The following BIN3 variants were observed in gnomAD, a reference collection of about 807,000 sequenced individuals.
BIN3 encodes bridging integrator 3.
A neutral mutation model predicts 38.2 loss-of-function variants in BIN3; 41 were observed. The observed-to-expected ratio is 1.07, with a 90% CI of 0.84 to 1.39. The LOEUF (loss-of-function observed/expected upper bound fraction) is 1.39. Ranked by LOEUF, BIN3 falls within the 40% of genes most tolerant of loss-of-function variation. BIN3 has a pLI of 0.00. For synonymous variants in BIN3, 145 were observed against 122.6 expected (o/e 1.18, Z -1.21); for missense variants, 361 against 324.3 (o/e 1.11, Z -0.87).
Position 22,621,253 on chromosome 8 carries a change from C to G in BIN3, c.*169G>C. 1.1e-6 allele frequency: 1 copy of G among 903,894 alleles called. No individual in the cohort carries two copies. Among genetic ancestry groups the G allele is most frequent in the East Asian group, 2.7e-5 (1 of 37,426 alleles). The allele number at this position is 903,894 out of a possible 1,614,324, so 56.0% of individuals were successfully genotyped here. On this transcript the variant is annotated 3_prime_UTR_variant, in exon 9 of 9. Transcript: ENST00000276416. The stretch of plus-strand genomic sequence containing the variant: ...CTGTGAGTGGGGAGACGGCGGCCTG[C>G]CTAGGGCTCCTGGTGCCAGGCTCAG...
Position 22,661,352 on chromosome 8 carries a change from CTTTTT to C in BIN3, c.8+7687_8+7691del, listed in dbSNP as rs751194383. Among the ~76,000 whole-genome samples the C allele has an allele frequency of 4.0e-3, 334 of 84,462 alleles. 2 individuals carry two copies. The highest frequency in any genetic ancestry group is 0.012 in the African/African-American group (235 of 20,084). The allele number at this position is 84,462 out of a possible 152,430, so 55.4% of individuals were successfully genotyped here. ...ATAGTACAATGTTGAATGTATCATT[CTTTTT>C]TTTTTTTTTTTTTTTTTTGAGATGG... On this transcript the variant is annotated intron_variant, in intron 1 of 8. Transcript: ENST00000276416.
At chr8:22,647,520 C>T (rs1026381495) in intron 1 of BIN3, among the ~76,000 whole-genome samples, 4 of 152,194 alleles carry the variant, frequency 2.6e-5, no homozygotes, top group Non-Finnish European at 5.9e-5. Flanking sequence ...CAGTTCAATA[C>T]TCTTTTCACA....
Position 22,644,743 on chromosome 8 carries a change from C to T in BIN3, c.57+12G>A, listed in dbSNP as rs773533363. 8.0e-5 allele frequency: 129 copies of T among 1,609,664 alleles called. No homozygotes were observed. The highest frequency in any genetic ancestry group is 1.7e-4 in the Admixed American group (10 of 59,536). ...GAACTGAATCTCACAGCAAAACAAT[C>T]GAGTTACTCACTGTTTTGGGCACAA... is the stretch of plus-strand genomic sequence containing the variant. On this transcript the variant is annotated intron_variant, in intron 2 of 8. Coordinates refer to ENST00000276416, the MANE Select transcript of BIN3 (RefSeq NM_018688.6).
intron 1 of BIN3, among the ~76,000 whole-genome samples, chr8:22,653,194 CTTT>C (rs1235047833): frequency 6.6e-6 from 1 of 152,106 alleles, no homozygotes; most frequent in Non-Finnish European, 1.5e-5. Context: ...ATTTTGTTAT[CTTT>C]GTTATGTTTT....
chr8:22,660,267 G>T (rs1294551730), intron 1 of BIN3, among the ~76,000 whole-genome samples: 1 of 152,250 alleles, frequency 6.6e-6, no homozygotes, highest in East Asian at 1.9e-4. Context: ...ATTCTAGTCT[G>T]TAAGGTAAGA....
At chr8:22,645,979 G>A (rs529753432) in intron 1 of BIN3, among the ~76,000 whole-genome samples, 1 of 152,318 alleles carries the variant, frequency 6.6e-6, no homozygotes, top group South Asian at 2.1e-4. Flanking sequence ...TTTACAGCAT[G>A]GCACAGCGGA....
intron 1 of BIN3, 136 bp downstream of exon 1, chr8:22,668,895 AACGACCCTAGGGC>A (rs1395402681): frequency 1.0e-5 from 10 of 975,384 alleles, no homozygotes; most frequent in Non-Finnish European, 1.4e-5. Context: ...GCACCGAGGG[AACGACCCTAGGGC>A]AGGGGCTGTC....
chr8:22,659,948 G>A (rs1000575388), intron 1 of BIN3, among the ~76,000 whole-genome samples: 1 of 152,204 alleles, frequency 6.6e-6, no homozygotes, highest in African/African-American at 2.4e-5. Context: ...GGGGTGACTT[G>A]TAAGAAGTTA....
In BIN3 at chr8:22,621,319, G is replaced by A. The variant is rs1801798884; in HGVS notation, c.*103C>T. On this transcript the variant is annotated 3_prime_UTR_variant, in exon 9 of 9. Coordinates refer to ENST00000276416, the MANE Select transcript of BIN3 (RefSeq NM_018688.6). ...GCAAAGGGCCGGCAAGTGAACCAGGGCCACCTCTGTCCCCAGCCTGTGAGA... is the reference window on the plus strand; with the variant it reads ...GCAAAGGGCCGGCAAGTGAACCAGGACCACCTCTGTCCCCAGCCTGTGAGA... 1.4e-6 allele frequency: 2 copies of A among 1,431,402 alleles called. No homozygotes were observed. The highest frequency in any genetic ancestry group is 1.9e-6 in the Non-Finnish European group (2 of 1,072,398). 88.7% of individuals were successfully genotyped at this position (1,431,402 alleles called of 1,614,324 possible).
intron 1 of BIN3, among the ~76,000 whole-genome samples, chr8:22,650,405 G>C (rs955749676): frequency 6.6e-6 from 1 of 152,158 alleles, no homozygotes; most frequent in African/African-American, 2.4e-5. Context: ...CTTTTGATTA[G>C]TGTGAAATCA....
intron 1 of BIN3, among the ~76,000 whole-genome samples, chr8:22,650,797 G>C (rs141620753): frequency 6.6e-6 from 1 of 152,216 alleles, no homozygotes; most frequent in Admixed American, 6.5e-5. Context: ...TACTTCGGAA[G>C]ATGAAGATTT....
At chr8:22,650,828 T>C (rs1802868674) in intron 1 of BIN3, among the ~76,000 whole-genome samples, 1 of 152,220 alleles carries the variant, frequency 6.6e-6, no homozygotes, top group African/African-American at 2.4e-5. Context: ...AAACAAAATA[T>C]TTTTGGGTAC....
At chr8:22,665,986 A>ACC (rs1490909211) in intron 1 of BIN3, among the ~76,000 whole-genome samples, 4 of 152,074 alleles carry the variant, frequency 2.6e-5, no homozygotes, top group African/African-American at 9.7e-5. Flanking sequence ...TCAATGCTTG[A>ACC]CCAGGCCGCA....
chr8:22,644,328 C>T (rs991589240), intron 2 of BIN3, among the ~76,000 whole-genome samples: 4 of 152,206 alleles, frequency 2.6e-5, no homozygotes, highest in African/African-American at 9.7e-5. Flanking sequence ...ACAAACAGGC[C>T]GAGGCCACTG....
rs1161228191 is a variant in BIN3, at chr8:22,636,910, G to T, written c.98+12C>A. The stretch of plus-strand genomic sequence containing the variant: ...CTGCCTCCCACCTCATCTTTCTGGG[G>T]TTGACACTCACTGCTGAAGTTTTCC... On this transcript the variant is annotated intron_variant, in intron 3 of 8. Transcript: ENST00000276416. The T allele has an allele frequency of 3.1e-6, 5 of 1,611,298 alleles. No homozygotes were observed. Among genetic ancestry groups the T allele is most frequent in the Non-Finnish European group, 4.2e-6 (5 of 1,177,616 alleles).
chr8:22,654,442 G>A (rs1802996712), intron 1 of BIN3, among the ~76,000 whole-genome samples: 1 of 152,070 alleles, frequency 6.6e-6, no homozygotes, highest in Non-Finnish European at 1.5e-5. Context: ...TCTAATTTCA[G>A]AACATTTTCA....
intron 1 of BIN3, among the ~76,000 whole-genome samples, chr8:22,660,874 C>CTT (rs1803213640): frequency 6.6e-6 from 1 of 152,028 alleles, no homozygotes; most frequent in Admixed American, 6.6e-5. Context: ...GATTGTATTT[C>CTT]TTTCTTTTCT....
intron 1 of BIN3, among the ~76,000 whole-genome samples, chr8:22,660,200 C>T (rs1585205133): frequency 6.6e-6 from 1 of 152,226 alleles, no homozygotes; most frequent in Non-Finnish European, 1.5e-5. Context: ...TTTGGATTTT[C>T]TTTGCAGCCC....
intron 1 of BIN3, among the ~76,000 whole-genome samples, chr8:22,668,514 C>A (rs1444006523): frequency 1.3e-5 from 2 of 152,212 alleles, no homozygotes; most frequent in Admixed American, 6.5e-5. Context: ...AGGGTGTGTG[C>A]GGAGTGTAAT....
Sources: gnomAD v4.1 joint callset for allele counts (sites outside exome capture counted in the v4.1 genomes callset) on GRCh38, gnomAD v4.1.1 for gene constraint, MANE v1.5 for transcripts, NCBI Gene and HGNC (gene_info 2026-07-23, HGNC 2026-07-21) for gene names.